Variants in ATXN2 observed in about 807,000 individuals in gnomAD.
The protein encoded by ATXN2 is ataxin-2.
Under a neutral mutation model 138.6 loss-of-function variants are expected in ATXN2, and 37 were observed. That is an observed-to-expected ratio of 0.27 (90% CI 0.21 to 0.35). ATXN2 has a LOEUF of 0.35. ATXN2 is among the 10% of genes least tolerant of loss of function. The pLI, the probability that ATXN2 is intolerant of heterozygous loss-of-function variation, is 1.00. For missense variants in ATXN2, 1,216 were observed against 1,480.3 expected (o/e 0.82, Z 2.93); for synonymous variants, 549 against 543.7 (o/e 1.01, Z -0.13).
intron 14 of ATXN2, among the ~76,000 whole-genome samples, chr12:111,508,018 A>G (rs181706491): frequency 6.6e-6 from 1 of 152,334 alleles, no homozygotes; most frequent in Admixed American, 6.5e-5. Context: ...GGACACAAAC[A>G]CTGCGGAAGG....
In ATXN2 at chr12:111,456,041, G is replaced by T. The variant is rs752057056; in HGVS notation, c.3258C>A (p.Ala1086=). ...AAGCTGGTATTACCTGAGGTACGTGGGCCATGTGGGGTGGGTTGGTATACG... is the reference window on the plus strand; with the variant it reads ...AAGCTGGTATTACCTGAGGTACGTGTGCCATGTGGGGTGGGTTGGTATACG... ...QPAYTNPPHM[A]HVPQAHVQSG... Residue 1086 remains alanine, a synonymous_variant, in exon 23 of 25, where the codon GCC becomes GCA. Coordinates refer to ENST00000673436, the MANE Select transcript of ATXN2 (RefSeq NM_001372574.1). The T allele has an allele frequency of 7.4e-6, 12 of 1,614,178 alleles. No homozygotes were observed. In the East Asian group the frequency reaches 2.7e-4, roughly 36 times the overall value.
At chr12:111,579,252 C>T (rs1289927884) in intron 1 of ATXN2, among the ~76,000 whole-genome samples, 1 of 152,070 alleles carries the variant, frequency 6.6e-6, no homozygotes, top group Non-Finnish European at 1.5e-5. Context: ...CATAAATATT[C>T]ATACCAGCTT....
intron 14 of ATXN2, among the ~76,000 whole-genome samples, chr12:111,496,024 T>C (rs1402300348): frequency 6.6e-6 from 1 of 150,486 alleles, no homozygotes; most frequent in Non-Finnish European, 1.5e-5. Flanking sequence ...TGTGACGGCA[T>C]GTGCCTGTAG....
intron 1 of ATXN2, among the ~76,000 whole-genome samples, chr12:111,571,826 A>G (rs865824352): frequency 6.6e-6 from 1 of 151,430 alleles, no homozygotes; most frequent in African/African-American, 2.4e-5. Context: ...AGCCTGGCCA[A>G]TGTGGCGAAA....
intron 1 of ATXN2, among the ~76,000 whole-genome samples, chr12:111,585,448 G>C (rs564433931): frequency 2.0e-5 from 3 of 151,584 alleles, no homozygotes; most frequent in Non-Finnish European, 4.4e-5. Flanking sequence ...GGGAGGCAGA[G>C]GTTGCAGTGG....
intron 5 of ATXN2, among the ~76,000 whole-genome samples, chr12:111,537,278 G>A (rs891573357): frequency 2.6e-5 from 4 of 152,074 alleles, no homozygotes; most frequent in Admixed American, 6.6e-5. Context: ...CATACTAAGT[G>A]AAACAAGCCT....
chr12:111,464,726 G>T lies in ATXN2; in HGVS notation c.2843-11C>A. ...GTAATTTGGGACATGCTGAATTTGGGAAATAGAAAGGTAAATTAGCCTTTT... is the reference window on the plus strand; with the variant it reads ...GTAATTTGGGACATGCTGAATTTGGTAAATAGAAAGGTAAATTAGCCTTTT... On this transcript the variant is annotated splice_polypyrimidine_tract_variant and intron_variant, in intron 20 of 24. Coordinates refer to ENST00000673436, the MANE Select transcript of ATXN2 (RefSeq NM_001372574.1). 1 of 1,607,132 alleles carries T rather than the reference G, an allele frequency of 6.2e-7. No homozygotes were observed. Among genetic ancestry groups the T allele is most frequent in the South Asian group, 1.1e-5 (1 of 90,620 alleles).
At chr12:111,585,451 T>C (rs1884270260) in intron 1 of ATXN2, among the ~76,000 whole-genome samples, 1 of 150,990 alleles carries the variant, frequency 6.6e-6, no homozygotes, top group African/African-American at 2.4e-5. Flanking sequence ...AGGCAGAGGT[T>C]GCAGTGGGCC....
chr12:111,508,083 T>C (rs1489856838), intron 14 of ATXN2, among the ~76,000 whole-genome samples: 2 of 151,910 alleles, frequency 1.3e-5, no homozygotes, highest in Non-Finnish European at 2.9e-5. Flanking sequence ...TTTTATCTGC[T>C]GACCTTCCCT....
At position 111,486,835 on chromosome 12, in the gene ATXN2, T is replaced by A. The variant is rs765589277; in HGVS notation, c.2241-11A>T. 1.2e-6 allele frequency: 2 copies of A among 1,607,982 alleles called. No individual in the cohort carries two copies. Among genetic ancestry groups the A allele is most frequent in the Admixed American group, 1.7e-5 (1 of 59,738 alleles). ...GATTTCCTAACTTGCCTAAAAAAAA[T>A]ATAAAGGCCAGTGAAATCTACATGG... On this transcript the variant is annotated splice_polypyrimidine_tract_variant and intron_variant, in intron 15 of 24. Coordinates refer to ENST00000673436, the MANE Select transcript of ATXN2 (RefSeq NM_001372574.1).
chr12:111,482,425 A>G (rs111673663), intron 18 of ATXN2, among the ~76,000 whole-genome samples: 8,769 of 151,598 alleles, frequency 0.058, 397 homozygotes, highest in South Asian at 0.22. Flanking sequence ...TGATCTCCTG[A>G]CCTCGTGATC....
At chr12:111,530,602 C>T (rs895696661) in intron 5 of ATXN2, among the ~76,000 whole-genome samples, 2 of 152,164 alleles carry the variant, frequency 1.3e-5, no homozygotes, top group Non-Finnish European at 2.9e-5. Flanking sequence ...ATCACGAGGT[C>T]AGGAGATCAA....
rs1484560633 is a variant in ATXN2 at position 111,475,378 on chromosome 12, AC to A, written c.2525-4637del. On this transcript the variant is annotated intron_variant, in intron 18 of 24. Coordinates refer to ENST00000673436, the MANE Select transcript of ATXN2 (RefSeq NM_001372574.1). ...AAAAAAAAAGTTACCACAATATGAA[AC>A]AATTAAAAAAAAAAAAAGACTTCAA... Among the ~76,000 whole-genome samples, 773 of 145,274 alleles carry A rather than the reference AC, an allele frequency of 5.3e-3. 6 individuals are homozygous for A. The highest frequency in any genetic ancestry group is 0.021 in the African/African-American group (748 of 35,502).
chr12:111,564,582 C>A (rs1882887086), intron 1 of ATXN2, among the ~76,000 whole-genome samples: 1 of 151,402 alleles, frequency 6.6e-6, no homozygotes, highest in Non-Finnish European at 1.5e-5. Context: ...TGCCCATCCT[C>A]ACACTGAAGA....
Position 111,520,006 on chromosome 12 carries a change from C to A in ATXN2, c.859G>T (p.Glu287Ter). ...TTGTACTGGGCACTTGACTCAATTT[C>A]TTCTGCTAACTGGTTTGCCCTTGCT... ...REARANQLAE[E>*]IESSAQYKAR... The change falls in exon 8 of 25, where the codon GAA becomes TAA. Residue 287 changes from glutamate (E) to a stop codon, truncating the protein, a stop_gained. Transcript: ENST00000673436. LOFTEE classifies it high-confidence loss of function. 6.2e-7 allele frequency: 1 copy of A among 1,614,122 alleles called. No individual in the cohort carries two copies. Among genetic ancestry groups the A allele is most frequent in the Non-Finnish European group, 8.5e-7 (1 of 1,180,022 alleles).
chr12:111,482,859 G>A (rs1423413247), intron 18 of ATXN2: 1 of 151,574 alleles, frequency 6.6e-6, no homozygotes, highest in African/African-American at 2.4e-5. Context: ...AGCATACTGA[G>A]AAAACGAAAA....
chr12:111,457,673 C>G (rs1157748534), intron 21 of ATXN2: 1 of 227,996 alleles, frequency 4.4e-6, no homozygotes, highest in South Asian at 7.7e-5. Flanking sequence ...AGAAACTACT[C>G]AAACAAGTGC....
chr12:111,536,523 C>T (rs1462968036), intron 5 of ATXN2, among the ~76,000 whole-genome samples: 1 of 152,120 alleles, frequency 6.6e-6, no homozygotes. Flanking sequence ...GATACAGCTA[C>T]GTTGGAAACA....
intron 14 of ATXN2, among the ~76,000 whole-genome samples, chr12:111,494,583 G>A (rs962139185): frequency 3.3e-5 from 5 of 151,880 alleles, no homozygotes; most frequent in African/African-American, 7.3e-5. Context: ...GTGCCTCCAC[G>A]CCTGGCTAAG....
Sources: gnomAD v4.1 joint callset for allele counts (sites outside exome capture counted in the v4.1 genomes callset) on GRCh38, gnomAD v4.1.1 for gene constraint, MANE v1.5 for transcripts, NCBI Gene and HGNC (gene_info 2026-07-23, HGNC 2026-07-21) for gene names.